The following FRMPD4 variants were observed in gnomAD, a reference collection of about 807,000 sequenced individuals.
FRMPD4 encodes FERM and PDZ domain-containing protein 4.
In FRMPD4, 22 loss-of-function variants were observed where a neutral mutation model predicts 94.1. The observed-to-expected ratio is 0.23, with a 90% CI of 0.17 to 0.33. The LOEUF (loss-of-function observed/expected upper bound fraction) is 0.33. Ranked by LOEUF, FRMPD4 falls within the 10% of genes least tolerant of loss-of-function variation. The probability of loss-of-function intolerance (pLI) is 1.00; values close to 1 mark genes in which losing one functional copy is unlikely to be tolerated. For missense variants in FRMPD4, 1,111 were observed against 1,339.9 expected (o/e 0.83, Z 2.67); for synonymous variants, 631 against 548.6 (o/e 1.15, Z -2.10).
chrX:12,005,079 C>T (rs144365195), intron 3 of FRMPD4, among the ~76,000 whole-genome samples: 109 of 112,070 alleles, frequency 9.7e-4, no homozygotes, highest in African/African-American at 3.5e-3. Context: ...TGAAATATGC[C>T]TCATTTTCAT....
At chrX:12,062,897 C>T (rs956710515) in intron 3 of FRMPD4, among the ~76,000 whole-genome samples, 5 of 111,322 alleles carry the variant, frequency 4.5e-5, no homozygotes, top group African/African-American at 6.5e-5. Flanking sequence ...ATAGCCATTT[C>T]CCAATGTTTA....
chrX:12,639,526 C>T (rs759430258), intron 4 of FRMPD4, among the ~76,000 whole-genome samples: 10 of 111,870 alleles, frequency 8.9e-5, no homozygotes, highest in Admixed American at 2.8e-4. Context: ...CCACTTTTTA[C>T]GATACATATG....
intron 1 of FRMPD4, among the ~76,000 whole-genome samples, chrX:11,832,986 G>A (rs184468879): frequency 2.7e-5 from 3 of 112,132 alleles, no homozygotes; most frequent in Non-Finnish European, 5.6e-5. Context: ...TCTGTGTTCT[G>A]CCTATTCATC....
chrX:12,031,851 A>G (rs1462864197), intron 3 of FRMPD4, among the ~76,000 whole-genome samples: 2 of 112,160 alleles, frequency 1.8e-5, no homozygotes, highest in Non-Finnish European at 3.8e-5. Flanking sequence ...GTTGTCTTCC[A>G]TCAGGGCAAG....
At chrX:12,544,020 G>A (rs1446021602) in intron 2 of FRMPD4, among the ~76,000 whole-genome samples, 1 of 105,794 alleles carries the variant, frequency 9.5e-6, no homozygotes, top group Non-Finnish European at 1.9e-5. Flanking sequence ...CTCAATCACA[G>A]GTGGGAATTG....
intron 3 of FRMPD4, among the ~76,000 whole-genome samples, chrX:11,966,493 T>G (rs988878980): frequency 9.0e-6 from 1 of 111,108 alleles, no homozygotes; most frequent in Non-Finnish European, 1.9e-5. Context: ...TGACCCAGTC[T>G]AAAGTATTTT....
At chrX:12,462,678 G>A (rs1443797217) in intron 1 of FRMPD4, among the ~76,000 whole-genome samples, 3 of 112,172 alleles carry the variant, frequency 2.7e-5, no homozygotes, top group Non-Finnish European at 5.6e-5. Context: ...AAACATTTAA[G>A]TATACATCTA....
At chrX:12,395,572 TGA>T (rs1220561326) in intron 1 of FRMPD4, among the ~76,000 whole-genome samples, 2 of 111,708 alleles carry the variant, frequency 1.8e-5, no homozygotes, top group African/African-American at 6.5e-5. Context: ...TAATTTCTCT[TGA>T]GAGTTATTTG....
chrX:12,540,264 T>G (rs927693960), intron 2 of FRMPD4, among the ~76,000 whole-genome samples: 1 of 111,509 alleles, frequency 9.0e-6, no homozygotes, highest in Non-Finnish European at 1.9e-5. Context: ...GTAAATGGGC[T>G]AAATGCACCA....
At chrX:12,549,230 C>T (rs775890538) in intron 2 of FRMPD4, among the ~76,000 whole-genome samples, 1 of 111,688 alleles carries the variant, frequency 9.0e-6, no homozygotes, top group South Asian at 3.7e-4. Context: ...GCTTGTGTCA[C>T]GAAGGGAAAT....
intron 1 of FRMPD4, among the ~76,000 whole-genome samples, chrX:12,374,786 G>T (rs1601871879): frequency 9.0e-6 from 1 of 111,534 alleles, no homozygotes; most frequent in African/African-American, 3.3e-5. Flanking sequence ...CCAGCTGGCA[G>T]TTTGGGTAGT....
intron 1 of FRMPD4, among the ~76,000 whole-genome samples, chrX:12,285,141 A>T (rs2054582279): frequency 9.0e-6 from 1 of 111,633 alleles, no homozygotes; most frequent in African/African-American, 3.3e-5. Flanking sequence ...AGAAATATTG[A>T]AGGGAAGAGA....
chrX:12,573,165 T>C (rs1260631353), intron 2 of FRMPD4, among the ~76,000 whole-genome samples: 1 of 112,037 alleles, frequency 8.9e-6, no homozygotes, highest in Non-Finnish European at 1.9e-5. Context: ...TGAGTTGATG[T>C]ATCCTGAGCC....
intron 1 of FRMPD4, among the ~76,000 whole-genome samples, chrX:12,193,416 T>C (rs757402741): frequency 3.8e-4 from 42 of 110,571 alleles, no homozygotes; most frequent in African/African-American, 1.3e-3. Flanking sequence ...ATTCAATTAT[T>C]TAAACAGACA....
chrX:12,121,108 C>A (rs988707058), intron 3 of FRMPD4, among the ~76,000 whole-genome samples: 3 of 108,179 alleles, frequency 2.8e-5, no homozygotes, highest in Non-Finnish European at 5.7e-5. Context: ...TATAATACTA[C>A]TACTAATAAT....
chrX:12,095,699 A>G (rs1243515374), intron 3 of FRMPD4, among the ~76,000 whole-genome samples: 2 of 112,061 alleles, frequency 1.8e-5, no homozygotes, highest in Non-Finnish European at 3.8e-5. Context: ...CTGTTGTCCA[A>G]GGAAGTTCTA....
intron 1 of FRMPD4, among the ~76,000 whole-genome samples, chrX:12,297,449 G>A (rs1348586011): frequency 2.7e-5 from 3 of 111,732 alleles, no homozygotes; most frequent in Admixed American, 1.9e-4. Context: ...ACAGAATTAT[G>A]GTAAAAAACA....
intron 2 of FRMPD4, among the ~76,000 whole-genome samples, chrX:12,542,672 T>A (rs1364229049): frequency 1.8e-5 from 2 of 111,677 alleles, no homozygotes; most frequent in Non-Finnish European, 3.8e-5. Flanking sequence ...CCAAGGTAAT[T>A]CATAGACTCA....
chrX:12,378,378 C>A (rs778097380), intron 1 of FRMPD4, among the ~76,000 whole-genome samples: 1 of 112,696 alleles, frequency 8.9e-6, no homozygotes, highest in African/African-American at 3.2e-5. Flanking sequence ...CGAAGCATCA[C>A]CAGCAGCAGT....
Sources: allele counts gnomAD v4.1 joint callset (sites outside exome capture counted in the v4.1 genomes callset), GRCh38; gene constraint gnomAD v4.1.1; transcripts MANE v1.5; gene names NCBI Gene and HGNC (gene_info 2026-07-23, HGNC 2026-07-21).